DOCK8: variants seen among roughly 807,000 people sequenced by gnomAD.
DOCK8 encodes dedicator of cytokinesis protein 8.
A neutral mutation model predicts 245.6 loss-of-function variants in DOCK8; 141 were observed. The observed-to-expected ratio is 0.57, with a 90% CI of 0.50 to 0.66. DOCK8 has a LOEUF of 0.66. Among genes scored for constraint, DOCK8 ranks in the 30% least tolerant of loss-of-function variants. DOCK8 has a pLI of 0.00. For missense variants in DOCK8, 2,965 were observed against 2,603.4 expected (o/e 1.14, Z -3.02); for synonymous variants, 1,168 against 970.2 (o/e 1.20, Z -3.79).
At chr9:374,313 A>G (rs565766492) in intron 18 of DOCK8, among the ~76,000 whole-genome samples, 2 of 152,302 alleles carry the variant, frequency 1.3e-5, no homozygotes, top group East Asian at 3.9e-4. Context: ...CTATAAGTAA[A>G]ATATGCAACA....
intron 40 of DOCK8, among the ~76,000 whole-genome samples, chr9:439,915 G>A (rs937810708): frequency 2.0e-5 from 3 of 152,088 alleles, no homozygotes; most frequent in African/African-American, 4.8e-5. Context: ...AGACTCCTCT[G>A]GTTAACGTAA....
intron 1 of DOCK8, among the ~76,000 whole-genome samples, chr9:230,305 G>C (rs529672814): frequency 5.3e-4 from 81 of 151,766 alleles, no homozygotes; most frequent in Non-Finnish European, 1.0e-3. Context: ...GTCTATCGTT[G>C]GGCATTTGGG....
chr9:400,934 TCCAC>T (rs2055007816), intron 26 of DOCK8, among the ~76,000 whole-genome samples: 2 of 20,542 alleles, frequency 9.7e-5, no homozygotes, highest in Non-Finnish European at 7.2e-5. Context: ...CACCACAACA[TCCAC>T]CACCACCATC....
At chr9:341,418 A>T (rs1325117266) in intron 14 of DOCK8, among the ~76,000 whole-genome samples, 1 of 152,200 alleles carries the variant, frequency 6.6e-6, no homozygotes, top group African/African-American at 2.4e-5. Context: ...GCAGAAAAGG[A>T]TGCCTTCTAT....
At chr9:301,343 A>C (rs1404895675) in intron 4 of DOCK8, among the ~76,000 whole-genome samples, 2 of 152,246 alleles carry the variant, frequency 1.3e-5, no homozygotes, top group Admixed American at 6.5e-5. Flanking sequence ...AACATACCTC[A>C]AAATAATAAG....
At chr9:439,939 A>G (rs559317830) in intron 40 of DOCK8, among the ~76,000 whole-genome samples, 3 of 152,000 alleles carry the variant, frequency 2.0e-5, no homozygotes, top group Non-Finnish European at 4.4e-5. Flanking sequence ...GGATCTAAAC[A>G]CTCCTAGTAT....
intron 39 of DOCK8, among the ~76,000 whole-genome samples, chr9:437,403 G>C (rs998432835): frequency 6.6e-6 from 1 of 152,182 alleles, no homozygotes; most frequent in African/African-American, 2.4e-5. Context: ...GAAAGCCTCA[G>C]TGCATCTTAC....
At chr9:422,909 C>T (rs774028294) in intron 33 of DOCK8, among the ~76,000 whole-genome samples, 4 of 150,134 alleles carry the variant, frequency 2.7e-5, no homozygotes, top group Admixed American at 6.7e-5. Context: ...CGCTTGAACC[C>T]GGGAGGCAGA....
chr9:338,448 C>G (rs1369977472), intron 12 of DOCK8, among the ~76,000 whole-genome samples: 5 of 152,128 alleles, frequency 3.3e-5, no homozygotes, highest in African/African-American at 1.2e-4. Context: ...TTAACTAAGT[C>G]TGGATGGTCT....
intron 11 of DOCK8, among the ~76,000 whole-genome samples, chr9:335,960 TCTC>T (rs1190619143): frequency 6.6e-6 from 1 of 152,072 alleles, no homozygotes; most frequent in African/African-American, 2.4e-5. Flanking sequence ...AGCAACAAGA[TCTC>T]CACCCAAATC....
chr9:435,300 A>G (rs544367890), intron 39 of DOCK8, among the ~76,000 whole-genome samples: 2 of 152,338 alleles, frequency 1.3e-5, no homozygotes, highest in African/African-American at 4.8e-5. Context: ...ACTGTTTACA[A>G]TAATGGCACC....
At chr9:359,614 A>G (rs966964183) in intron 14 of DOCK8, among the ~76,000 whole-genome samples, 7 of 152,184 alleles carry the variant, frequency 4.6e-5, no homozygotes, top group Admixed American at 3.3e-4. Context: ...ACACCAGATA[A>G]TCAGAAGATG....
chr9:401,226 G>A (rs927682817), intron 26 of DOCK8, among the ~76,000 whole-genome samples: 3 of 151,826 alleles, frequency 2.0e-5, no homozygotes, highest in African/African-American at 7.3e-5. Flanking sequence ...AGAGATTTGA[G>A]GGCTGATCAA....
chr9:395,990 T>C (rs912448617), intron 24 of DOCK8, among the ~76,000 whole-genome samples: 8 of 152,126 alleles, frequency 5.3e-5, no homozygotes, highest in African/African-American at 1.4e-4. Flanking sequence ...TTTGTGTCAA[T>C]TGGTGACTTG....
intron 1 of DOCK8, among the ~76,000 whole-genome samples, chr9:242,374 T>G (rs2047394525): frequency 6.6e-6 from 1 of 152,202 alleles, no homozygotes; most frequent in Non-Finnish European, 1.5e-5. Context: ...ATATTTTAAT[T>G]TGTCCTCATT....
chr9:255,226 T>C (rs641184), intron 1 of DOCK8, among the ~76,000 whole-genome samples: 72,071 of 151,972 alleles, frequency 0.47, 17,520 homozygotes, highest in East Asian at 0.8. Context: ...AAACAGAATG[T>C]CTTTAGATCA....
intron 7 of DOCK8, among the ~76,000 whole-genome samples, chr9:317,701 A>G (rs2050407041): frequency 1.3e-5 from 2 of 152,196 alleles, no homozygotes; most frequent in Admixed American, 6.5e-5. Flanking sequence ...GTAGTAAACT[A>G]TGTTAAGGGG....
intron 1 of DOCK8, among the ~76,000 whole-genome samples, chr9:233,911 T>C (rs1182659160): frequency 4.6e-5 from 7 of 152,214 alleles, no homozygotes; most frequent in East Asian, 3.8e-4. Context: ...AATTTAATAT[T>C]GTTATGTGTG....
At chr9:344,486 T>C (rs1184562200) in intron 14 of DOCK8, among the ~76,000 whole-genome samples, 1 of 152,094 alleles carries the variant, frequency 6.6e-6, no homozygotes, top group African/African-American at 2.4e-5. Context: ...ATTCACGACA[T>C]GGAAATGGAA....
Sources: gnomAD v4.1 joint callset for allele counts (sites outside exome capture counted in the v4.1 genomes callset) on GRCh38, gnomAD v4.1.1 for gene constraint, MANE v1.5 for transcripts, NCBI Gene and HGNC (gene_info 2026-07-23, HGNC 2026-07-21) for gene names.